FAM221A: variants seen among roughly 807,000 people sequenced by gnomAD.
FAM221A encodes family with sequence similarity 221 member A, also known as protein FAM221A.
FAM221A carries 43 observed loss-of-function variants against 37.6 expected under a neutral mutation model. The ratio of observed to expected loss-of-function variants is 1.15; its 90% confidence interval spans 0.90 to 1.48. The LOEUF (loss-of-function observed/expected upper bound fraction) is 1.48, where lower values mean the gene tolerates loss of function less well. FAM221A is among the 40% of genes most tolerant of loss of function. FAM221A has a pLI of 0.00. For missense variants in FAM221A, 361 were observed against 361.5 expected (o/e 1.00, Z 0.01); for synonymous variants, 135 against 132.9 (o/e 1.02, Z -0.11).
At chr7:23,699,028 G>GA (rs1785232349) in intron 5 of FAM221A, among the ~76,000 whole-genome samples, 1 of 152,050 alleles carries the variant, frequency 6.6e-6, no homozygotes, top group Non-Finnish European at 1.5e-5. Flanking sequence ...AGACACAGAG[G>GA]AAAGTGCAGT....
intron 3 of FAM221A, 80 bp from the exon 4 acceptor site, chr7:23,691,309 TG>T (rs1451877890): frequency 1.5e-6 from 2 of 1,359,496 alleles, no homozygotes; most frequent in Non-Finnish European, 2.1e-6. Context: ...TAGGTTCAGC[TG>T]GCTTTTGCCA....
chr7:23,692,813 A>G (rs1784829766), intron 4 of FAM221A: 3 of 841,904 alleles, frequency 3.6e-6, no homozygotes, highest in Non-Finnish European at 4.3e-6. Context: ...TTTACTATTT[A>G]CTTTTTAATT....
intron 4 of FAM221A, among the ~76,000 whole-genome samples, chr7:23,697,042 T>A (rs945432489): frequency 1.3e-5 from 2 of 150,936 alleles, no homozygotes; most frequent in Middle Eastern, 3.4e-3. Flanking sequence ...ATTGAGGGAG[T>A]CTGTACTTAT....
chr7:23,702,256 A>AT lies in FAM221A; in HGVS notation c.*92_*93insT. 5 of 795,454 alleles carry AT rather than the reference A, an allele frequency of 6.3e-6. No individual in the cohort carries two copies. The highest frequency in any genetic ancestry group is 3.5e-4 in the Middle Eastern group (1 of 2,866). 49.3% of individuals were successfully genotyped at this position (795,454 alleles called of 1,614,324 possible). On this transcript the variant is annotated 3_prime_UTR_variant, in exon 7 of 7. Coordinates refer to ENST00000344962, the MANE Select transcript of FAM221A (RefSeq NM_199136.5). ...CAGTTTATTTTTCCTGAAATTATTTACTTTTTTTTTTTACTGTATAAATGT... is the reference window on the plus strand; with the variant it reads ...CAGTTTATTTTTCCTGAAATTATTTATCTTTTTTTTTTTACTGTATAAATGT...
intron 4 of FAM221A, among the ~76,000 whole-genome samples, chr7:23,695,355 T>G (rs1008157296): frequency 6.6e-5 from 10 of 152,164 alleles, no homozygotes; most frequent in African/African-American, 2.4e-4. Context: ...TTCCCAGAAG[T>G]CTTGCACAAT....
intron 2 of FAM221A, among the ~76,000 whole-genome samples, chr7:23,685,921 C>G (rs1784340597): frequency 1.3e-5 from 2 of 152,172 alleles, no homozygotes; most frequent in African/African-American, 4.8e-5. Flanking sequence ...ACTTTCGGTT[C>G]CAAGAGGAAC....
At chr7:23,683,489 T>A (rs1784185288) in intron 1 of FAM221A, among the ~76,000 whole-genome samples, 1 of 152,210 alleles carries the variant, frequency 6.6e-6, no homozygotes, top group African/African-American at 2.4e-5. Flanking sequence ...TCTTTTGGGA[T>A]ACATTTTCAA....
chr7:23,686,189 C>T (rs1227801095), intron 2 of FAM221A: 1 of 315,508 alleles, frequency 3.2e-6, no homozygotes, highest in Non-Finnish European at 6.2e-6. Context: ...TTTATTCTTA[C>T]ACAAATTTAG....
At chr7:23,698,328 T>A in intron 5 of FAM221A, 29 bp downstream of exon 5, 2 of 1,224,322 alleles carry the variant, frequency 1.6e-6, no homozygotes, top group South Asian at 1.3e-5. Context: ...GAACTGTTTT[T>A]GGATGTAGTA....
In FAM221A at chr7:23,691,437, C is replaced by T. The variant is rs766974370; in HGVS notation, c.478C>T (p.Gln160Ter). 4 of 1,614,150 alleles carry T rather than the reference C, an allele frequency of 2.5e-6. No individual in the cohort carries two copies. Among genetic ancestry groups the T allele is most frequent in the Non-Finnish European group, 3.4e-6 (4 of 1,180,020 alleles). Residue 160 changes from glutamine to a stop codon, truncating the protein, a stop_gained, in exon 4 of 7, where the codon CAG (glutamine) becomes TAG (stop). Coordinates refer to ENST00000344962, the MANE Select transcript of FAM221A (RefSeq NM_199136.5). LOFTEE classifies it high-confidence loss of function. Reference protein sequence around the residue: ...FHSCFTCACGQPAYAHDTVVE... With the variant: ...FHSCFTCACG ...TAGCTGCTTCACTTGTGCTTGTGGTCAGCCTGCATATGCCCATGACACAGT... is the reference window on the plus strand; with the variant it reads ...TAGCTGCTTCACTTGTGCTTGTGGTTAGCCTGCATATGCCCATGACACAGT...
intron 4 of FAM221A, chr7:23,693,366 T>C (rs1477528788): frequency 6.6e-6 from 1 of 152,210 alleles, no homozygotes; most frequent in Non-Finnish European, 1.5e-5. Context: ...AAAATTGTTA[T>C]TGTTGTTTCA....
intron 3 of FAM221A, 50 bp from the exon 4 acceptor site, chr7:23,691,340 A>C: frequency 6.3e-7 from 1 of 1,577,282 alleles, no homozygotes; most frequent in Non-Finnish European, 8.7e-7. Flanking sequence ...TCTTTAGGGT[A>C]GACAACATAG....
chr7:23,691,625 C>A, intron 4 of FAM221A, 29 bp downstream of exon 4: 2 of 1,587,220 alleles, frequency 1.3e-6, no homozygotes, highest in Non-Finnish European at 8.7e-7. Flanking sequence ...AATGTGAGCC[C>A]ATTGTATTGT....
At chr7:23,697,043 CTG>C (rs147814690) in intron 4 of FAM221A, among the ~76,000 whole-genome samples, 6,038 of 152,192 alleles carry the variant, frequency 0.04, 242 homozygotes, top group African/African-American at 0.1. Context: ...TTGAGGGAGT[CTG>C]TACTTATAGT....
chr7:23,697,158 C>A (rs1785109791), intron 4 of FAM221A, among the ~76,000 whole-genome samples: 1 of 152,194 alleles, frequency 6.6e-6, no homozygotes. Context: ...CGCCAGAGGG[C>A]AGCACAAGGA....
downstream of FAM221A, chr7:23,703,004 GCCAC>G (rs1785545420): frequency 6.6e-6 from 1 of 152,088 alleles, no homozygotes; most frequent in Non-Finnish European, 1.5e-5. Flanking sequence ...TGACTTTGGG[GCCAC>G]TCTTGATTAA....
intron 4 of FAM221A, chr7:23,693,998 C>G (rs1006075108): frequency 1.3e-5 from 2 of 152,174 alleles, no homozygotes. Context: ...CACTCGCCTC[C>G]CACCCTCTGA....
Position 23,680,204 on chromosome 7 carries a change from G to A in FAM221A, c.-15G>A, listed in dbSNP as rs1339482466. ...CAGCTGGTCCGCAGGGAAGCCTTTG[G>A]CTTCCCCACCGGCAATGGAGCGGTT... is the stretch of plus-strand genomic sequence containing the variant. On this transcript the variant is annotated 5_prime_UTR_variant, in exon 1 of 7. Coordinates refer to ENST00000344962, the MANE Select transcript of FAM221A (RefSeq NM_199136.5). 1 of 1,548,890 alleles carries A rather than the reference G, an allele frequency of 6.5e-7. No homozygotes were observed. The highest frequency in any genetic ancestry group is 2.0e-5 in the Admixed American group (1 of 50,958).
chr7:23,691,082 A>G (rs1484591935), intron 3 of FAM221A, among the ~76,000 whole-genome samples: 1 of 152,062 alleles, frequency 6.6e-6, no homozygotes, highest in Non-Finnish European at 1.5e-5. Flanking sequence ...GGTCCTGGCC[A>G]CTGGGCTCTC....
Sources: gnomAD v4.1 joint callset for allele counts (sites outside exome capture counted in the v4.1 genomes callset) on GRCh38, gnomAD v4.1.1 for gene constraint, MANE v1.5 for transcripts, NCBI Gene and HGNC (gene_info 2026-07-23, HGNC 2026-07-21) for gene names.